The following MEP1B variants were observed in gnomAD, a reference collection of about 807,000 sequenced individuals.
The protein encoded by MEP1B is meprin A subunit beta, also known as N-benzoyl-L-tyrosyl-P-amino-benzoic acid hydrolase subunit beta.
A neutral mutation model predicts 84.6 loss-of-function variants in MEP1B; 80 were observed. The ratio of observed to expected loss-of-function variants is 0.95; its 90% CI spans 0.79 to 1.14. MEP1B has a LOEUF of 1.14. MEP1B is among the 50% of genes most tolerant of loss of function. The probability of loss-of-function intolerance (pLI) is 0.00; values close to 1 mark genes in which losing one functional copy is unlikely to be tolerated. For missense variants in MEP1B, 766 were observed against 855.1 expected (o/e 0.90, Z 1.30); for synonymous variants, 273 against 288.1 (o/e 0.95, Z 0.53).
chr18:32,208,450 C>T lies in MEP1B; in HGVS notation c.919+179C>T, dbSNP rs191465059. On this transcript the variant is annotated intron_variant, in intron 9 of 14. Transcript: ENST00000269202. ...AGACATTGTTAATTTCTTTGCTTTT[C>T]CTTCCTGAGTTTATTTTTCTTTCTA... Among the ~76,000 whole-genome samples the T allele has an allele frequency of 1.0e-3, 159 of 152,278 alleles. 1 individual carries two copies. The highest frequency in any genetic ancestry group is 2.1e-3 in the South Asian group (10 of 4,826).
At chr18:32,192,006 C>T (rs962335468) in intron 2 of MEP1B, among the ~76,000 whole-genome samples, 166 bp downstream of exon 2, 3 of 151,930 alleles carry the variant, frequency 2.0e-5, no homozygotes, top group Non-Finnish European at 2.9e-5. Context: ...TGTCCATGTT[C>T]CAGGCTTCAT....
In MEP1B at chr18:32,198,698, G is replaced by T. The variant is rs55914230; in HGVS notation, c.250+3213G>T. ...AATGGGGAAGGACTTGGGTCTTCCCGGTGTTAAAGAACTTGTCGTGTATAC... is the reference window on the plus strand; with the variant it reads ...AATGGGGAAGGACTTGGGTCTTCCCTGTGTTAAAGAACTTGTCGTGTATAC... On this transcript the variant is annotated intron_variant, in intron 5 of 14. Transcript: ENST00000269202. 2.9e-3 allele frequency among the ~76,000 whole-genome samples: 449 copies of T among 152,240 alleles called. 4 individuals carry two copies. The highest frequency in any genetic ancestry group is 0.01 in the African/African-American group (434 of 41,550).
intron 1 of MEP1B, among the ~76,000 whole-genome samples, 200 bp downstream of exon 1, chr18:32,190,333 T>A (rs907820389): frequency 6.6e-6 from 1 of 152,086 alleles, no homozygotes; most frequent in Non-Finnish European, 1.5e-5. Flanking sequence ...GACATTGATA[T>A]AAAGTTATGT....
chr18:32,201,599 C>T (rs2040913498), intron 5 of MEP1B, among the ~76,000 whole-genome samples: 1 of 151,970 alleles, frequency 6.6e-6, no homozygotes. Context: ...ATGTAGATGA[C>T]TTTATTTTTT....
At chr18:32,201,299 T>TAC (rs58057830) in intron 5 of MEP1B, among the ~76,000 whole-genome samples, 7,855 of 144,148 alleles carry the variant, frequency 0.054, 376 homozygotes, top group African/African-American at 0.13. Context: ...CATATGTAGA[T>TAC]ACACACACAC....
At chr18:32,215,577 C>T (rs905913969) in intron 12 of MEP1B, among the ~76,000 whole-genome samples, 36 of 152,282 alleles carry the variant, frequency 2.4e-4, no homozygotes, top group African/African-American at 4.3e-4. Context: ...GTAATCCCAG[C>T]GCTTTGGGAG....
Position 32,213,123 on chromosome 18 carries a change from C to T in MEP1B, c.1143C>T (p.Pro381=). Residue 381 remains proline, a synonymous_variant, in exon 11 of 15, where the codon CCC becomes CCT. Transcript: ENST00000269202. ...ATAATGACTCTTTTGCAGAAATACCCACTGGGAGCTGGCAACTTTATCATG... is the reference window on the plus strand; with the variant it reads ...ATAATGACTCTTTTGCAGAAATACCTACTGGGAGCTGGCAACTTTATCATG... ...LTLVEEIKEI[P]TGSWQLYHVT... The T allele has an allele frequency of 6.2e-7, 1 of 1,612,700 alleles. No homozygotes were observed. Among genetic ancestry groups the T allele is most frequent in the Non-Finnish European group, 8.5e-7 (1 of 1,178,832 alleles).
intron 5 of MEP1B, among the ~76,000 whole-genome samples, chr18:32,202,246 C>T (rs1180121679): frequency 6.6e-6 from 1 of 152,172 alleles, no homozygotes; most frequent in Non-Finnish European, 1.5e-5. Flanking sequence ...TGATACAGCC[C>T]GTTCCTCCTG....
At chr18:32,207,621 A>C (rs1026062993) in intron 8 of MEP1B, 151 bp downstream of exon 8, 2 of 177,682 alleles carry the variant, frequency 1.1e-5, no homozygotes, top group Non-Finnish European at 2.2e-5. Context: ...CTCAGATCTC[A>C]ATCTACAACT....
chr18:32,199,622 T>A (rs947277397), intron 5 of MEP1B, among the ~76,000 whole-genome samples: 2 of 152,112 alleles, frequency 1.3e-5, no homozygotes, highest in South Asian at 2.1e-4. Context: ...GATTAAAAAA[T>A]TTTTAAGTTC....
intron 14 of MEP1B, 75 bp from the exon 15 acceptor site, chr18:32,220,156 A>G (rs673408): frequency 0.47 from 642,301 of 1,379,568 alleles, 154,443 homozygotes; most frequent in African/African-American, 0.76. Context: ...AGACCAGATC[A>G]TTTTATTATG....
intron 11 of MEP1B, among the ~76,000 whole-genome samples, chr18:32,214,821 T>C (rs1238968646): frequency 1.3e-5 from 2 of 152,200 alleles, no homozygotes; most frequent in African/African-American, 4.8e-5. Context: ...TTCCCAGGAA[T>C]ATCTGGTACC....
At chr18:32,193,672 T>C (rs550253899) in intron 4 of MEP1B, among the ~76,000 whole-genome samples, 1 of 152,268 alleles carries the variant, frequency 6.6e-6, no homozygotes, top group African/African-American at 2.4e-5. Flanking sequence ...CAGTAGATCT[T>C]TTCCTGTAAA....
At chr18:32,213,626 G>A in intron 11 of MEP1B, 67 bp downstream of exon 11, 1 of 1,262,576 alleles carries the variant, frequency 7.9e-7, no homozygotes, top group East Asian at 2.3e-5. Flanking sequence ...ATAATTTTGG[G>A]AATGAGGGAT....
rs888385461 is a variant in MEP1B, at chr18:32,220,164, A to G, written c.2092-67A>G. 4.2e-6 allele frequency: 6 copies of G among 1,419,170 alleles called. No individual in the cohort carries two copies. The South Asian group carries it at 6.1e-5, about 15-fold the overall frequency. The allele number at this position is 1,419,170 out of a possible 1,614,324, so 87.9% of individuals were successfully genotyped here. A position where few individuals can be genotyped will look rare whatever the true frequency, so the allele number is the denominator to read the frequency against. On this transcript the variant is annotated intron_variant, in intron 14 of 14. Transcript: ENST00000269202. Reference sequence around the variant, plus strand: ...CATTTAAAGACCAGATCATTTTATTATGATTCATTTAAATAGCAGTTTTTA... The same window carrying G: ...CATTTAAAGACCAGATCATTTTATTGTGATTCATTTAAATAGCAGTTTTTA...
chr18:32,197,515 G>A (rs1205529929), intron 5 of MEP1B, among the ~76,000 whole-genome samples: 1 of 151,582 alleles, frequency 6.6e-6, no homozygotes, highest in Non-Finnish European at 1.5e-5. Context: ...TACCTCCCAG[G>A]TTTTGGCGAT....
At chr18:32,219,936 T>G (rs1260448111) in intron 14 of MEP1B, among the ~76,000 whole-genome samples, 1 of 152,204 alleles carries the variant, frequency 6.6e-6, no homozygotes, top group Non-Finnish European at 1.5e-5. Context: ...TTTCTACAGC[T>G]AATTCACTGG....
chr18:32,208,129 G>A lies in MEP1B; in HGVS notation c.777G>A (p.Leu259=). The A allele has an allele frequency of 6.2e-7, 1 of 1,613,470 alleles. No individual in the cohort carries two copies. Among genetic ancestry groups the A allele is most frequent in the East Asian group, 2.2e-5 (1 of 44,870 alleles). The part of the protein sequence containing the change: ...LNQLYNCSSS[L]SFMDSCSFEL... ...TTTTGCTTTTTGTAGCCTCTTCCTT[G>A]AGTTTTATGGACTCGTGCAGTTTTG... Residue 259 remains leucine, a synonymous_variant, in exon 9 of 15, where the codon TTG becomes TTA. Coordinates refer to ENST00000269202, the MANE Select transcript of MEP1B (RefSeq NM_005925.3).
intron 1 of MEP1B, among the ~76,000 whole-genome samples, chr18:32,191,409 T>A (rs2040800747): frequency 6.6e-6 from 1 of 152,050 alleles, no homozygotes; most frequent in Non-Finnish European, 1.5e-5. Context: ...CATTTCTTTT[T>A]AAAGAATTGT....
Sources: allele counts gnomAD v4.1 joint callset (sites outside exome capture counted in the v4.1 genomes callset), GRCh38; gene constraint gnomAD v4.1.1; transcripts MANE v1.5; gene names NCBI Gene and HGNC (gene_info 2026-07-23, HGNC 2026-07-21).